Variants in DOCK4 observed in about 807,000 individuals in gnomAD.
DOCK4 encodes the protein dedicator of cytokinesis protein 4.
DOCK4 carries 97 observed loss-of-function variants against 268.1 expected under a neutral mutation model. That is an observed-to-expected ratio of 0.36 (90% CI 0.31 to 0.43). The LOEUF (loss-of-function observed/expected upper bound fraction) is 0.43. DOCK4 is among the 20% of genes least tolerant of loss of function. The pLI is 1.00. For synonymous variants in DOCK4, 954 were observed against 887.2 expected, an observed-to-expected ratio of 1.08 and a Z score of -1.34; for missense variants, 2,145 against 2,455.7, an observed-to-expected ratio of 0.87 and a Z score of 2.67.
intron 1 of DOCK4, among the ~76,000 whole-genome samples, chr7:112,113,225 C>T (rs1034127838): frequency 4.6e-5 from 7 of 152,082 alleles, no homozygotes; most frequent in African/African-American, 1.7e-4. Flanking sequence ...CAAATACAAA[C>T]GCCAGTATTG....
At chr7:111,758,915 AT>A in intron 40 of DOCK4, 125 bp from the exon 41 acceptor site, 1 of 861,248 alleles carries the variant, frequency 1.2e-6, no homozygotes, top group Non-Finnish European at 1.7e-6. Context: ...AGTTGAAGTC[AT>A]TAAAAAAATT....
At chr7:112,125,989 C>G (rs147873591) in intron 1 of DOCK4, among the ~76,000 whole-genome samples, 1 of 151,900 alleles carries the variant, frequency 6.6e-6, no homozygotes. Context: ...TTTGTAGAGA[C>G]GGGGCTTCGT....
intron 1 of DOCK4, among the ~76,000 whole-genome samples, chr7:112,017,229 C>T (rs1801887662): frequency 1.3e-5 from 2 of 152,142 alleles, no homozygotes; most frequent in Admixed American, 6.5e-5. Context: ...GTATGTATGG[C>T]TTAACTGATT....
intron 1 of DOCK4, among the ~76,000 whole-genome samples, chr7:112,157,273 T>C (rs1258474031): frequency 1.3e-5 from 2 of 152,148 alleles, no homozygotes; most frequent in Non-Finnish European, 2.9e-5. Context: ...AACCAAGCAA[T>C]GAGAGTAATT....
rs532803722 is a variant in DOCK4 at position 112,034,691 on chromosome 7, G to A, written c.38-30560C>T. ...AAGGCGGGTGGATTGCTTGAGGCCA[G>A]GAGTTTGAGACCAGCCTGGGCATCA... On this transcript the variant is annotated intron_variant, in intron 1 of 52. Transcript: ENST00000428084. Among the ~76,000 whole-genome samples the A allele has an allele frequency of 3.9e-5, 6 of 152,302 alleles. No individual in the cohort carries two copies. The East Asian group carries it at 9.7e-4, about 25-fold the overall frequency.
chr7:112,018,427 T>A (rs1802045996), intron 1 of DOCK4, among the ~76,000 whole-genome samples: 1 of 152,174 alleles, frequency 6.6e-6, no homozygotes, highest in Non-Finnish European at 1.5e-5. Context: ...ACTCAGCACT[T>A]ATCAATTATA....
At chr7:112,089,609 T>C (rs938836096) in intron 1 of DOCK4, among the ~76,000 whole-genome samples, 5 of 152,188 alleles carry the variant, frequency 3.3e-5, no homozygotes, top group Admixed American at 6.5e-5. Context: ...ATATCTCATG[T>C]TGAACTGTAA....
intron 1 of DOCK4, among the ~76,000 whole-genome samples, chr7:112,062,568 A>C (rs1450994813): frequency 6.6e-6 from 1 of 152,180 alleles, no homozygotes. Context: ...AGTACCAAAA[A>C]CAGTGATGAG....
At chr7:112,063,857 T>G (rs1436752933) in intron 1 of DOCK4, among the ~76,000 whole-genome samples, 1 of 152,046 alleles carries the variant, frequency 6.6e-6, no homozygotes. Context: ...CTTGAAAAGG[T>G]GGGTTGCAGA....
At chr7:111,818,850 C>T (rs1294661335) in intron 27 of DOCK4, among the ~76,000 whole-genome samples, 1 of 152,154 alleles carries the variant, frequency 6.6e-6, no homozygotes, top group Non-Finnish European at 1.5e-5. Context: ...CTGTTTGTTA[C>T]CCCCTGCTAA....
intron 42 of DOCK4, among the ~76,000 whole-genome samples, chr7:111,750,646 T>C (rs1432603197): frequency 1.3e-5 from 2 of 152,164 alleles, no homozygotes; most frequent in Non-Finnish European, 2.9e-5. Context: ...CTGAGCATCC[T>C]GCCTGCCTTG....
At chr7:112,190,362 A>T (rs1234784104) in intron 1 of DOCK4, among the ~76,000 whole-genome samples, 1 of 152,206 alleles carries the variant, frequency 6.6e-6, no homozygotes, top group Non-Finnish European at 1.5e-5. Flanking sequence ...CAGAGCAGGA[A>T]CAGAGGTAGA....
At chr7:111,987,541 C>A (rs1305369502) in intron 6 of DOCK4, among the ~76,000 whole-genome samples, 1 of 152,194 alleles carries the variant, frequency 6.6e-6, no homozygotes, top group Non-Finnish European at 1.5e-5. Flanking sequence ...GGACCCCTCC[C>A]ACTCCACAAT....
At chr7:112,049,929 C>CAA (rs986663100) in intron 1 of DOCK4, among the ~76,000 whole-genome samples, 2 of 152,124 alleles carry the variant, frequency 1.3e-5, no homozygotes, top group African/African-American at 4.8e-5. Context: ...ATTAGCTTCA[C>CAA]CACTACTGAT....
At chr7:111,945,370 G>C (rs958972248) in intron 9 of DOCK4, among the ~76,000 whole-genome samples, 7 of 152,170 alleles carry the variant, frequency 4.6e-5, no homozygotes, top group Admixed American at 3.3e-4. Flanking sequence ...ATTTTTAGTA[G>C]AGACGGGGTT....
chr7:111,943,926 C>T (rs1421227916), intron 10 of DOCK4, among the ~76,000 whole-genome samples: 1 of 152,174 alleles, frequency 6.6e-6, no homozygotes, highest in Non-Finnish European at 1.5e-5. Context: ...TGCAGGACTA[C>T]ATGGCAAGAT....
intron 20 of DOCK4, among the ~76,000 whole-genome samples, chr7:111,870,584 A>C (rs576456194): frequency 4.6e-5 from 7 of 152,182 alleles, no homozygotes; most frequent in South Asian, 2.1e-4. Flanking sequence ...GGCCTCCCAA[A>C]GTGCTGGGAT....
At chr7:112,158,216 T>C (rs979422502) in intron 1 of DOCK4, among the ~76,000 whole-genome samples, 2 of 152,176 alleles carry the variant, frequency 1.3e-5, no homozygotes, top group African/African-American at 4.8e-5. Context: ...ATAATACATT[T>C]AGGAACCATT....
chr7:112,188,196 C>G (rs866673902), intron 1 of DOCK4, among the ~76,000 whole-genome samples: 4 of 152,238 alleles, frequency 2.6e-5, no homozygotes, highest in Non-Finnish European at 5.9e-5. Context: ...CCAGCACAAA[C>G]AGTAAATATC....
Sources: gnomAD v4.1 joint callset for allele counts (sites outside exome capture counted in the v4.1 genomes callset) on GRCh38, gnomAD v4.1.1 for gene constraint, MANE v1.5 for transcripts, NCBI Gene and HGNC (gene_info 2026-07-23, HGNC 2026-07-21) for gene names.